The following STS variants were observed in gnomAD, a reference collection of about 807,000 sequenced individuals.
STS encodes the protein steroid sulfatase.
Under a neutral mutation model 26.8 loss-of-function variants are expected in STS, and 7 were observed. That is an observed-to-expected ratio of 0.26 (90% CI 0.15 to 0.49). STS has a LOEUF of 0.49. Ranked by LOEUF, STS falls within the 20% of genes least tolerant of loss-of-function variation. The probability of loss-of-function intolerance (pLI) is 0.98; values close to 1 mark genes in which losing one functional copy is unlikely to be tolerated. For missense variants in STS, 434 were observed against 465.6 expected, an observed-to-expected ratio of 0.93 and a Z score of 0.63; for synonymous variants, 199 against 189.4, an observed-to-expected ratio of 1.05 and a Z score of -0.42.
intron 9 of STS, among the ~76,000 whole-genome samples, chrX:7,327,865 T>A (rs1746284708): frequency 8.9e-6 from 1 of 112,390 alleles, no homozygotes. Flanking sequence ...TTTCTTGTTT[T>A]GCCTATCATT....
At chrX:7,309,776 T>A (rs1315145174) in intron 8 of STS, among the ~76,000 whole-genome samples, 6 of 111,616 alleles carry the variant, frequency 5.4e-5, no homozygotes, top group African/African-American at 2.0e-4. Flanking sequence ...GACTGTTTCA[T>A]TTCTTTAAGG....
intron 8 of STS, among the ~76,000 whole-genome samples, chrX:7,305,813 G>A (rs1465913897): frequency 2.7e-5 from 3 of 111,486 alleles, no homozygotes; most frequent in Non-Finnish European, 5.6e-5. Context: ...CTCTTATGAG[G>A]ACACTTGAGA....
At chrX:7,204,263 C>G (rs1031518206) in intron 2 of STS, among the ~76,000 whole-genome samples, 1 of 111,320 alleles carries the variant, frequency 9.0e-6, no homozygotes, top group African/African-American at 3.3e-5. Flanking sequence ...TTTTCTAACC[C>G]AAGTGTTGGC....
chrX:7,212,287 T>C (rs2147039831), intron 2 of STS, among the ~76,000 whole-genome samples: 1 of 110,798 alleles, frequency 9.0e-6, no homozygotes, highest in South Asian at 3.9e-4. Context: ...ATGGGTAACA[T>C]GGTGAAACCC....
intron 2 of STS, among the ~76,000 whole-genome samples, chrX:7,213,929 A>C (rs770822904): frequency 9.1e-6 from 1 of 110,404 alleles, no homozygotes; most frequent in Non-Finnish European, 1.9e-5. Flanking sequence ...AAAAATATTA[A>C]AAAGTTAGCC....
chrX:7,219,814 T>C (rs1921470178), intron 2 of STS: 1 of 836,525 alleles, frequency 1.2e-6, no homozygotes, highest in African/African-American at 2.0e-5. Flanking sequence ...TCTTGTTTCT[T>C]AAATCTGTTT....
chrX:7,192,141 A>G (rs890038043), intron 2 of STS, among the ~76,000 whole-genome samples: 7 of 111,865 alleles, frequency 6.3e-5, no homozygotes, highest in African/African-American at 2.3e-4. Context: ...TATTTGGTTC[A>G]AATAAGTGTG....
chrX:7,281,535 T>C (rs1924860954), intron 7 of STS, among the ~76,000 whole-genome samples: 2 of 112,079 alleles, frequency 1.8e-5, no homozygotes, highest in Admixed American at 1.9e-4. Flanking sequence ...TGAATGCGTG[T>C]TTGCCATGCC....
intron 6 of STS, 48 bp downstream of exon 6, chrX:7,259,820 G>A: frequency 1.7e-6 from 2 of 1,183,474 alleles, no homozygotes; most frequent in Non-Finnish European, 1.1e-6. Flanking sequence ...AAACATTCTG[G>A]GTTATTTCTC....
chrX:7,205,266 AAGAGAAAGAATGGGAATGTAATT>A (rs1180894341), intron 2 of STS, among the ~76,000 whole-genome samples: 3 of 112,432 alleles, frequency 2.7e-5, no homozygotes, highest in Non-Finnish European at 5.6e-5. Flanking sequence ...CATAGTGAGG[AAGAGAAAGAATGGGAATGTAATT>A]ATTGCAATTA....
At position 7,257,443 on chromosome X, in the gene STS, G is replaced by C. The variant is rs1923475772; in HGVS notation, c.260-23G>C. The stretch of plus-strand genomic sequence containing the variant: ...CCTCGAGGTATCTCCTGGTTCCTAA[G>C]GGTTGATTTTTTCCTGGTCCAGGAA... On this transcript the variant is annotated intron_variant, in intron 4 of 10. Transcript: ENST00000674429. 1.6e-5 allele frequency: 19 copies of C among 1,212,307 alleles called. No homozygotes were observed. The East Asian group carries it at 5.6e-4, about 36-fold the overall frequency.
At chrX:7,148,115 G>A in intron 1 of STS, 32 bp downstream of exon 1, 1 of 1,127,353 alleles carries the variant, frequency 8.9e-7, no homozygotes, top group Non-Finnish European at 1.2e-6. Flanking sequence ...CGCCGCCATG[G>A]TGGCGCCTTC....
intron 6 of STS, among the ~76,000 whole-genome samples, chrX:7,261,961 C>A (rs1402608176): frequency 1.8e-5 from 2 of 112,021 alleles, no homozygotes; most frequent in African/African-American, 6.5e-5. Flanking sequence ...TTGTTAAAAT[C>A]TAAATTGTCA....
At chrX:7,157,106 C>T (rs1933151124) in intron 1 of STS, among the ~76,000 whole-genome samples, 1 of 111,860 alleles carries the variant, frequency 8.9e-6, no homozygotes, top group Non-Finnish European at 1.9e-5. Context: ...AAGCTGGATT[C>T]TGGGGCTCCA....
intron 2 of STS, chrX:7,219,586 T>G: frequency 8.3e-7 from 1 of 1,209,931 alleles, no homozygotes; most frequent in Non-Finnish European, 1.1e-6. Flanking sequence ...CTCCCACTGG[T>G]GCAGAAACCA....
At position 7,181,524 on chromosome X, in the gene STS, G is replaced by A. The variant is rs188096498; in HGVS notation, c.-133-9356G>A. 2.7e-5 allele frequency among the ~76,000 whole-genome samples: 3 copies of A among 112,144 alleles called. No individual in the cohort carries two copies. The East Asian group carries it at 8.4e-4, about 32-fold the overall frequency. ...CCCTCAGAGCATCGGAAGTGACTCT[G>A]CAAAGGACTCCTGGAGTGTGCTGGT... On this transcript the variant is annotated intron_variant, in intron 1 of 10. Coordinates refer to ENST00000674429, the MANE Select transcript of STS (RefSeq NM_001320752.2).
chrX:7,226,856 C>T (rs1245937731), intron 2 of STS, among the ~76,000 whole-genome samples: 1 of 112,213 alleles, frequency 8.9e-6, no homozygotes, highest in Non-Finnish European at 1.9e-5. Flanking sequence ...GTTCGTGCTA[C>T]TGCACTCCAG....
intron 7 of STS, among the ~76,000 whole-genome samples, chrX:7,291,065 G>T (rs572829096): frequency 1.8e-5 from 2 of 111,631 alleles, no homozygotes; most frequent in South Asian, 3.8e-4. Context: ...GTGACCTTTC[G>T]TTGGTTTGGT....
intron 2 of STS, among the ~76,000 whole-genome samples, chrX:7,218,574 C>T (rs1449433474): frequency 8.9e-6 from 1 of 111,911 alleles, no homozygotes; most frequent in African/African-American, 3.3e-5. Flanking sequence ...TTGAGGAACC[C>T]TATAGAGAAT....
Sources: gnomAD v4.1 joint callset for allele counts (sites outside exome capture counted in the v4.1 genomes callset) on GRCh38, gnomAD v4.1.1 for gene constraint, MANE v1.5 for transcripts, NCBI Gene and HGNC (gene_info 2026-07-23, HGNC 2026-07-21) for gene names.